Variants in WFS1 observed in about 807,000 individuals in gnomAD.
The protein encoded by WFS1 is wolframin ER transmembrane glycoprotein.
A neutral mutation model predicts 68.5 loss-of-function variants in WFS1; 90 were observed. That is an observed-to-expected ratio of 1.31 (90% confidence interval 1.11 to 1.56). WFS1 has a LOEUF of 1.56. WFS1 is among the 40% of genes most tolerant of loss of function. WFS1 has a pLI of 0.00. For synonymous variants in WFS1, 860 were observed against 540.7 expected, an observed-to-expected ratio of 1.59 and a Z score of -8.19; for missense variants, 1,767 against 1,232.6, an observed-to-expected ratio of 1.43 and a Z score of -6.49.
In WFS1 at chr4:6,301,805, T is replaced by C; in HGVS notation, c.2010T>C (p.Gly670=). ...YNSTLTWQQY[G]ALCGPRAWKE... is the part of the protein sequence containing the mutation. ...CCACACTGACCTGGCAGCAGTATGG[T>C]GCGCTGTGCGGGCCACGCGCCTGGA... Residue 670 remains glycine (G), a synonymous_variant, in exon 8 of 8, where the codon GGT becomes GGC. Transcript: ENST00000226760. 1 of 1,613,324 alleles carries C rather than the reference T, an allele frequency of 6.2e-7. No individual in the cohort carries two copies. The highest frequency in any genetic ancestry group is 8.5e-7 in the Non-Finnish European group (1 of 1,180,026).
At chr4:6,294,943 C>T (rs746521462) in intron 6 of WFS1, 98 bp from the exon 7 acceptor site, 26 of 1,596,130 alleles carry the variant, frequency 1.6e-5, no homozygotes, top group Non-Finnish European at 1.8e-5. Flanking sequence ...CCTTTCTTAG[C>T]TTGGCCCCAC....
intron 2 of WFS1, among the ~76,000 whole-genome samples, chr4:6,284,994 G>A (rs1395846478): frequency 6.6e-6 from 1 of 151,680 alleles, no homozygotes; most frequent in Non-Finnish European, 1.5e-5. Context: ...CGGCAGCAAG[G>A]AAGGAGAACT....
chr4:6,273,514 C>T (rs1395267049), intron 1 of WFS1, among the ~76,000 whole-genome samples: 1 of 152,098 alleles, frequency 6.6e-6, no homozygotes, highest in Admixed American at 6.5e-5. Context: ...TTGCTAAGGT[C>T]CCACAGCATT....
In WFS1 at chr4:6,287,799, A is replaced by G. The variant is rs962912759; in HGVS notation, c.315+624A>G. Among the ~76,000 whole-genome samples, 13 of 152,302 alleles carry G rather than the reference A, an allele frequency of 8.5e-5. No individual in the cohort carries two copies. Among genetic ancestry groups the G allele is most frequent in the African/African-American group, 2.9e-4 (12 of 41,578 alleles). On this transcript the variant is annotated intron_variant, in intron 3 of 7. Coordinates refer to ENST00000226760, the MANE Select transcript of WFS1 (RefSeq NM_006005.3). The surrounding 1 kb of genome is among the most constrained non-coding windows in gnomAD (Gnocchi z 6.4). ...GGGTCCTGTGTCCTCTGTGGAGGCAAGTTCTCACCACCTCACTCTGTCCCC... is the reference window on the plus strand; with the variant it reads ...GGGTCCTGTGTCCTCTGTGGAGGCAGGTTCTCACCACCTCACTCTGTCCCC...
intron 2 of WFS1, among the ~76,000 whole-genome samples, chr4:6,281,818 C>G (rs189733955): frequency 3.3e-5 from 5 of 152,298 alleles, no homozygotes; most frequent in African/African-American, 1.2e-4. Flanking sequence ...CCTGGCCCAT[C>G]TGATTGCTGA....
chr4:6,284,963 G>A (rs780347636), intron 2 of WFS1, among the ~76,000 whole-genome samples: 30 of 151,314 alleles, frequency 2.0e-4, no homozygotes, highest in Admixed American at 1.2e-3. Context: ...CAGAAACCAC[G>A]CTGGGGGGCT....
At chr4:6,278,370 A>C (rs1730058704) in intron 2 of WFS1, among the ~76,000 whole-genome samples, 1 of 152,022 alleles carries the variant, frequency 6.6e-6, no homozygotes, top group African/African-American at 2.4e-5. Context: ...TCTCCAGCTG[A>C]CTCAGGCCTC....
intron 2 of WFS1, among the ~76,000 whole-genome samples, chr4:6,277,978 G>A (rs1230236342): frequency 1.3e-5 from 2 of 152,216 alleles, no homozygotes; most frequent in Non-Finnish European, 2.9e-5. Flanking sequence ...TTGCAACAGC[G>A]TCCAAACATG....
At position 6,291,288 on chromosome 4, in the gene WFS1, C is replaced by CTGGAA; in HGVS notation, c.553_557dup (p.Lys186AsnfsTer103). 6.2e-7 allele frequency: 1 copy of CTGGAA among 1,613,480 alleles called. No homozygotes were observed. The highest frequency in any genetic ancestry group is 1.1e-5 in the South Asian group (1 of 91,058). The stretch of plus-strand genomic sequence containing the variant: ...TGCGCAAGGCAGCCCTGGTCATGTA[C>CTGGAA]TGGAAGCTCAACCCCAAGAAGAAGA... On this transcript the variant is annotated frameshift_variant, in exon 5 of 8. Coordinates refer to ENST00000226760, the MANE Select transcript of WFS1 (RefSeq NM_006005.3). LOFTEE classifies it high-confidence loss of function.
intron 4 of WFS1, among the ~76,000 whole-genome samples, chr4:6,289,692 C>T (rs577387295): frequency 2.6e-5 from 4 of 152,298 alleles, no homozygotes; most frequent in Non-Finnish European, 5.9e-5. Context: ...CGTTGTCCTG[C>T]GCAAGGGAAG....
At chr4:6,290,015 T>C (rs1730418801) in intron 4 of WFS1, among the ~76,000 whole-genome samples, 1 of 152,208 alleles carries the variant, frequency 6.6e-6, no homozygotes, top group Admixed American at 6.5e-5. Context: ...CTCAAGTCAC[T>C]GTAACCTCCA....
intron 7 of WFS1, among the ~76,000 whole-genome samples, chr4:6,298,924 C>A (rs1246867879): frequency 6.6e-6 from 1 of 152,224 alleles, no homozygotes; most frequent in Non-Finnish European, 1.5e-5. Context: ...TGATGGGGGG[C>A]TCCAGCCTGG....
Position 6,295,240 on chromosome 4 carries a change from C to T in WFS1, c.861+51C>T, listed in dbSNP as rs180706750. 72 of 1,606,272 alleles carry T rather than the reference C, an allele frequency of 4.5e-5. 1 individual carries two copies. Among genetic ancestry groups the T allele is most frequent in the South Asian group, 1.1e-4 (10 of 90,908 alleles). ...CCGGAGCCTGCCTCCCAAGGACTCGCGCACCTCAGGCAGGGCACCTTCCAG... is the reference window on the plus strand; with the variant it reads ...CCGGAGCCTGCCTCCCAAGGACTCGTGCACCTCAGGCAGGGCACCTTCCAG... On this transcript the variant is annotated intron_variant, in intron 7 of 7. Transcript: ENST00000226760.
At position 6,302,229 on chromosome 4, in the gene WFS1, A is replaced by G; in HGVS notation, c.2434A>G (p.Ser812Gly). The G allele has an allele frequency of 6.2e-7, 1 of 1,608,790 alleles. No individual in the cohort carries two copies. The highest frequency in any genetic ancestry group is 8.5e-7 in the Non-Finnish European group (1 of 1,177,220). ...IVLRASSEFKSVLLSLRQGSL... is the reference protein window; with the variant it reads ...IVLRASSEFKGVLLSLRQGSL... ...GCTGCGGGCCAGCAGCGAGTTCAAG[A>G]GCGTGCTGCTCAGCCTGCGCCAGGG... Residue 812 changes from serine to glycine, a missense_variant, in exon 8 of 8, where the codon AGC becomes GGC. Ser to Gly is a moderately conservative substitution (Grantham distance 56). Coordinates refer to ENST00000226760, the MANE Select transcript of WFS1 (RefSeq NM_006005.3).
At chr4:6,300,478 C>G (rs1048893816) in intron 7 of WFS1, among the ~76,000 whole-genome samples, 179 bp from the exon 8 acceptor site, 2 of 151,586 alleles carry the variant, frequency 1.3e-5, no homozygotes, top group African/African-American at 4.9e-5. Flanking sequence ...GGACCGCGAG[C>G]ATGGGGAGGG....
chr4:6,301,984 G>A lies in WFS1; in HGVS notation c.2189G>A (p.Trp730Ter), dbSNP rs760171298. The change falls in exon 8 of 8, where the codon TGG (tryptophan) becomes TAG (stop). Residue 730 changes from tryptophan to a stop codon, truncating the protein, a stop_gained. Coordinates refer to ENST00000226760, the MANE Select transcript of WFS1 (RefSeq NM_006005.3). LOFTEE classifies it high-confidence loss of function. ...INMLPFFIGDWMRCLYGEAYP... is the reference protein window; with the variant it reads ...INMLPFFIGD ...ATGCTCCCGTTCTTCATCGGCGACTGGATGCGCTGCCTCTACGGCGAGGCC... is the reference window on the plus strand; with the variant it reads ...ATGCTCCCGTTCTTCATCGGCGACTAGATGCGCTGCCTCTACGGCGAGGCC... 1 of 1,612,730 alleles carries A rather than the reference G, an allele frequency of 6.2e-7. No homozygotes were observed. The highest frequency in any genetic ancestry group is 1.7e-5 in the Admixed American group (1 of 60,004).
At chr4:6,289,215 A>T in intron 4 of WFS1, 84 bp downstream of exon 4, 1 of 1,485,616 alleles carries the variant, frequency 6.7e-7, no homozygotes, top group Non-Finnish European at 9.0e-7. Context: ...CTAAAATCTT[A>T]CCAAACCTAA....
At position 6,301,306 on chromosome 4, in the gene WFS1, C is replaced by T. The variant is rs28937892; in HGVS notation, c.1511C>T (p.Pro504Leu). 2.8e-5 allele frequency: 45 copies of T among 1,611,276 alleles called. No individual in the cohort carries two copies. Among genetic ancestry groups the T allele is most frequent in the Admixed American group, 6.7e-5 (4 of 60,010 alleles). ...CTGGTCGTCCTCAACGTCAGCGTCC[C>T]GTGCCTGCTCTATGTCTACCTGCTC... ...GHLVVLNVSVPCLLYVYLLYL... is the reference protein window; with the variant it reads ...GHLVVLNVSVLCLLYVYLLYL... The change falls in exon 8 of 8, where the codon CCG (proline) becomes CTG (leucine). Residue 504 changes from proline to leucine, a missense_variant. By Grantham distance (98) the Pro-to-Leu change is moderately conservative. Transcript: ENST00000226760.
chr4:6,302,553 G>C lies in WFS1; in HGVS notation c.*85G>C, dbSNP rs1730991541. The C allele has an allele frequency of 1.3e-6, 2 of 1,580,002 alleles. No homozygotes were observed. The highest frequency in any genetic ancestry group is 1.1e-5 in the South Asian group (1 of 88,128). ...GCCCCAGCCCGACAGGCATGCACCA[G>C]TGCCGCCTGTGCCCACGTGTGCAGA... On this transcript the variant is annotated 3_prime_UTR_variant, in exon 8 of 8. Transcript: ENST00000226760.
Sources: gnomAD v4.1 joint callset for allele counts (sites outside exome capture counted in the v4.1 genomes callset) on GRCh38, gnomAD v4.1.1 for gene constraint, Gnocchi (gnomAD v3.1) non-coding constraint, MANE v1.5 for transcripts, NCBI Gene and HGNC (gene_info 2026-07-23, HGNC 2026-07-21) for gene names.